ATP9A: variants seen among roughly 807,000 people sequenced by gnomAD.
ATP9A encodes the protein probable phospholipid-transporting ATPase IIA.
ATP9A carries 52 observed loss-of-function variants against 144.1 expected under a neutral mutation model. That is an observed-to-expected ratio of 0.36 (90% CI 0.29 to 0.45). The LOEUF (loss-of-function observed/expected upper bound fraction) is 0.45, where lower values mean the gene tolerates loss of function less well. Among genes scored for constraint, ATP9A ranks in the 20% least tolerant of loss-of-function variants. The pLI, the probability that ATP9A is intolerant of heterozygous loss-of-function variation, is 1.00. For missense variants in ATP9A, 947 were observed against 1,392.7 expected (o/e 0.68, Z 5.09); for synonymous variants, 582 against 557.4 (o/e 1.04, Z -0.62).
At chr20:51,661,190 G>C (rs1453278506) in intron 13 of ATP9A, among the ~76,000 whole-genome samples, 2 of 152,104 alleles carry the variant, frequency 1.3e-5, no homozygotes, top group Non-Finnish European at 2.9e-5. Context: ...TCCACAGCTA[G>C]GGCCATTTCC....
Position 51,745,949 on chromosome 20 carries a change from C to T in ATP9A, c.69-15971G>A, listed in dbSNP as rs538373786. Among the ~76,000 whole-genome samples the T allele has an allele frequency of 2.9e-4, 44 of 152,118 alleles. 1 individual carries two copies. The highest frequency in any genetic ancestry group is 6.3e-3 in the Middle Eastern group (2 of 316). ...AACCTAAATGCCCATCAAAGACAGA[C>T]TGGATAAAGAAAATGTAGTACATAT... On this transcript the variant is annotated intron_variant, in intron 1 of 27. Transcript: ENST00000338821.
At chr20:51,720,193 T>C (rs2077682795) in intron 3 of ATP9A, among the ~76,000 whole-genome samples, 1 of 152,234 alleles carries the variant, frequency 6.6e-6, no homozygotes, top group African/African-American at 2.4e-5. Flanking sequence ...TGTATATTTC[T>C]TGAGTCATGT....
At chr20:51,731,150 A>C (rs1294842762) in intron 1 of ATP9A, among the ~76,000 whole-genome samples, 1 of 151,942 alleles carries the variant, frequency 6.6e-6, no homozygotes, top group Non-Finnish European at 1.5e-5. Flanking sequence ...CTGAAGATAC[A>C]AAAATTAGCC....
chr20:51,679,214 C>A (rs2077490066), intron 9 of ATP9A, among the ~76,000 whole-genome samples: 1 of 152,120 alleles, frequency 6.6e-6, no homozygotes, highest in South Asian at 2.1e-4. Context: ...ATCCCAGCCA[C>A]TTGGGAGACT....
At chr20:51,717,867 T>A (rs576859127) in intron 3 of ATP9A, among the ~76,000 whole-genome samples, 1 of 150,760 alleles carries the variant, frequency 6.6e-6, no homozygotes, top group Non-Finnish European at 1.5e-5. Flanking sequence ...GGCAGGAGAA[T>A]CACTTGAACC....
intron 6 of ATP9A, 38 bp from the exon 7 acceptor site, chr20:51,694,140 A>AG: frequency 6.4e-7 from 1 of 1,564,734 alleles, no homozygotes; most frequent in Non-Finnish European, 8.8e-7. Flanking sequence ...CTGCACCTCA[A>AG]GCACCCTTCC....
chr20:51,715,409 G>GC (rs1201331706), intron 3 of ATP9A, among the ~76,000 whole-genome samples: 3 of 152,320 alleles, frequency 2.0e-5, no homozygotes, highest in African/African-American at 7.2e-5. Flanking sequence ...GTGCAGGGCT[G>GC]CCCCCTCCAC....
intron 3 of ATP9A, among the ~76,000 whole-genome samples, chr20:51,718,834 A>T (rs1405207502): frequency 9.8e-6 from 1 of 101,644 alleles, no homozygotes. Flanking sequence ...AAAAAAAAAA[A>T]AAAAAAAAAA....
chr20:51,646,018 C>G (rs189326188), intron 14 of ATP9A, among the ~76,000 whole-genome samples: 1 of 152,094 alleles, frequency 6.6e-6, no homozygotes, highest in African/African-American at 2.4e-5. Context: ...ACATTAGACG[C>G]GAGCTGGATA....
intron 1 of ATP9A, among the ~76,000 whole-genome samples, chr20:51,763,385 T>G (rs1195361328): frequency 6.6e-6 from 1 of 151,260 alleles, no homozygotes; most frequent in Non-Finnish European, 1.5e-5. Flanking sequence ...CGATCTCGGC[T>G]CACTGCCAGC....
chr20:51,657,868 G>T (rs2077393795), intron 13 of ATP9A, among the ~76,000 whole-genome samples: 1 of 152,158 alleles, frequency 6.6e-6, no homozygotes, highest in Non-Finnish European at 1.5e-5. Flanking sequence ...AGACTTTCGG[G>T]TGTAATGGTA....
intron 14 of ATP9A, among the ~76,000 whole-genome samples, chr20:51,640,751 A>T (rs971432989): frequency 1.4e-4 from 22 of 152,280 alleles, no homozygotes; most frequent in African/African-American, 5.1e-4. Flanking sequence ...AATAGCAAAG[A>T]GGGCTGAGTG....
intron 3 of ATP9A, among the ~76,000 whole-genome samples, chr20:51,724,197 C>T (rs66596776): frequency 0.22 from 32,960 of 151,848 alleles, 4,192 homozygotes; most frequent in East Asian, 0.44. Context: ...AAAATAAAAA[C>T]GTTAATGAGA....
In ATP9A at chr20:51,712,355, T is replaced by C. The variant is rs1165378709; in HGVS notation, c.436+611A>G. Reference sequence around the variant, plus strand: ...TCCCAAAGTGCTGGGATTACAGGCGTGAGCCACTGTACTGGGCCAAAATTT... The same window carrying C: ...TCCCAAAGTGCTGGGATTACAGGCGCGAGCCACTGTACTGGGCCAAAATTT... On this transcript the variant is annotated intron_variant, in intron 4 of 27. Transcript: ENST00000338821. 2.6e-5 allele frequency among the ~76,000 whole-genome samples: 4 copies of C among 152,308 alleles called. No homozygotes were observed. In the East Asian group the frequency reaches 5.8e-4, roughly 22 times the overall value.
rs56043552 is a variant in ATP9A at position 51,638,071 on chromosome 20, TTATATATATATATATATATATATATA to T, written c.1668+1246_1668+1271del. 4.8e-3 allele frequency among the ~76,000 whole-genome samples: 163 copies of T among 34,194 alleles called. 5 individuals are homozygous for T. In the South Asian group the frequency reaches 0.056, roughly 12 times the overall value. 22.4% of individuals were successfully genotyped at this position (34,194 alleles called of 152,430 possible). A position where few individuals can be genotyped will look rare whatever the true frequency, so the allele number is the denominator to read the frequency against. On this transcript the variant is annotated intron_variant, in intron 15 of 27. Transcript: ENST00000338821. ...CATGGCTAAGTAGCATTTCATCATT[TTATATATATATATATATATATATATA>T]TATATATATATATATATATATATAT...
At position 51,625,155 on chromosome 20, in the gene ATP9A, C is replaced by T. The variant is rs563405139; in HGVS notation, c.2016+37G>A. The T allele has an allele frequency of 5.7e-6, 9 of 1,580,628 alleles. No individual in the cohort carries two copies. In the East Asian group the frequency reaches 1.1e-4, roughly 20 times the overall value. Reference sequence around the variant, plus strand: ...CACTGCTGAGGGATAACTGGCATTGCCCTGGAGTGCCCTTCCCTGCGGGCA... The same window carrying T: ...CACTGCTGAGGGATAACTGGCATTGTCCTGGAGTGCCCTTCCCTGCGGGCA... On this transcript the variant is annotated intron_variant, in intron 18 of 27. Transcript: ENST00000338821.
At chr20:51,692,741 G>A (rs2077553833) in intron 7 of ATP9A, among the ~76,000 whole-genome samples, 1 of 152,228 alleles carries the variant, frequency 6.6e-6, no homozygotes, top group South Asian at 2.1e-4. Flanking sequence ...GGTGGAGGTT[G>A]CAGTGAGCCA....
At chr20:51,746,516 T>C (rs1011585739) in intron 1 of ATP9A, among the ~76,000 whole-genome samples, 2 of 151,674 alleles carry the variant, frequency 1.3e-5, no homozygotes, top group East Asian at 1.9e-4. Flanking sequence ...CTGGCCAACA[T>C]AGCTAAACGC....
At chr20:51,676,248 A>G (rs755771789) in intron 9 of ATP9A, 40 bp from the exon 10 acceptor site, 11 of 1,466,776 alleles carry the variant, frequency 7.5e-6, no homozygotes, top group Non-Finnish European at 1.0e-5. Flanking sequence ...GAAAAGAAAT[A>G]TTAATACAGA....
Sources: allele counts gnomAD v4.1 joint callset (sites outside exome capture counted in the v4.1 genomes callset), GRCh38; gene constraint gnomAD v4.1.1; transcripts MANE v1.5; gene names NCBI Gene and HGNC (gene_info 2026-07-23, HGNC 2026-07-21).